The following ZHX3 variants were observed in gnomAD, a reference collection of about 807,000 sequenced individuals.
ZHX3 encodes the protein zinc fingers and homeoboxes 3.
A neutral mutation model predicts 64.5 loss-of-function variants in ZHX3; 20 were observed. The ratio of observed to expected loss-of-function variants is 0.31; its 90% CI spans 0.22 to 0.45. ZHX3 has a LOEUF of 0.45. Ranked by LOEUF, ZHX3 falls within the 20% of genes least tolerant of loss-of-function variation. The pLI is 1.00. For synonymous variants in ZHX3, 423 were observed against 461.6 expected (o/e 0.92, Z 1.07); for missense variants, 1,041 against 1,195.8 (o/e 0.87, Z 1.91).
intron 1 of ZHX3, among the ~76,000 whole-genome samples, chr20:41,310,137 C>A (rs1482943784): frequency 1.3e-5 from 2 of 152,150 alleles, no homozygotes; most frequent in Admixed American, 6.5e-5. Flanking sequence ...TGTCTTTCTG[C>A]CACTCACCCC....
chr20:41,196,575 A>AT, intron 3 of ZHX3: 1 of 76,108 alleles, frequency 1.3e-5, no homozygotes, highest in Non-Finnish European at 2.4e-5. Context: ...ATATATATAA[A>AT]AATATATATA....
intron 1 of ZHX3, chr20:41,316,972 G>C: frequency 6.6e-6 from 1 of 152,462 alleles, no homozygotes; most frequent in Non-Finnish European, 1.5e-5. Context: ...TTCGAGTCCT[G>C]GCTCTGCCGC....
intron 2 of ZHX3, among the ~76,000 whole-genome samples, chr20:41,259,973 C>T (rs1050156635): frequency 6.6e-6 from 1 of 151,798 alleles, no homozygotes; most frequent in Non-Finnish European, 1.5e-5. Flanking sequence ...AAAGAATAAC[C>T]AAACTGATAA....
chr20:41,229,244 A>G (rs549758569), intron 2 of ZHX3, among the ~76,000 whole-genome samples: 10 of 152,312 alleles, frequency 6.6e-5, no homozygotes, highest in African/African-American at 2.4e-4. Flanking sequence ...GTCAGGATTT[A>G]CTTCCTTTTA....
chr20:41,215,370 C>G (rs991868469), intron 2 of ZHX3, among the ~76,000 whole-genome samples: 1 of 152,084 alleles, frequency 6.6e-6, no homozygotes, highest in Admixed American at 6.5e-5. Flanking sequence ...GCTCAATTCA[C>G]TAAATTAGCA....
At chr20:41,205,933 C>T (rs1290245524) in intron 2 of ZHX3, among the ~76,000 whole-genome samples, 1 of 152,170 alleles carries the variant, frequency 6.6e-6, no homozygotes, top group Non-Finnish European at 1.5e-5. Flanking sequence ...GCTGGGTGCC[C>T]CTCTGAGATG....
At chr20:41,261,862 T>C (rs1319437011) in intron 2 of ZHX3, among the ~76,000 whole-genome samples, 1 of 152,166 alleles carries the variant, frequency 6.6e-6, no homozygotes, top group Non-Finnish European at 1.5e-5. Flanking sequence ...TATTTCCAAC[T>C]GCTCCTAGAT....
At chr20:41,198,844 A>G (rs2037981702) in intron 3 of ZHX3, among the ~76,000 whole-genome samples, 1 of 152,144 alleles carries the variant, frequency 6.6e-6, no homozygotes, top group East Asian at 1.9e-4. Flanking sequence ...TAATGAATAT[A>G]ATAACTATAT....
At chr20:41,283,187 G>C (rs1251717298) in intron 1 of ZHX3, among the ~76,000 whole-genome samples, 30 of 152,250 alleles carry the variant, frequency 2.0e-4, no homozygotes, top group Middle Eastern at 3.4e-3. Flanking sequence ...AGTATTACAG[G>C]TGTGAGCCAC....
chr20:41,227,930 C>G (rs556706555), intron 2 of ZHX3, among the ~76,000 whole-genome samples: 2 of 152,134 alleles, frequency 1.3e-5, no homozygotes, highest in Non-Finnish European at 2.9e-5. Context: ...TCTTCCCCCT[C>G]CCCCATGCCA....
rs1256833383 is a variant in ZHX3, at chr20:41,180,370, T to TG, written c.*4820dup. The TG allele has an allele frequency of 1.3e-5, 2 of 152,450 alleles. No individual in the cohort carries two copies. The highest frequency in any genetic ancestry group is 2.4e-5 in the African/African-American group (1 of 41,452). The allele number at this position is 152,450 out of a possible 1,614,324, so 9.4% of individuals were successfully genotyped here. On this transcript the variant is annotated 3_prime_UTR_variant, in exon 4 of 4. Coordinates refer to ENST00000683867, the MANE Select transcript of ZHX3 (RefSeq NM_001384317.1). ...GGAAGGGGGTGCTTTCCCCTGTCCT[T>TG]GTCCATATGGTAACCAGGGTCTGCC... is the stretch of plus-strand genomic sequence containing the variant.
chr20:41,218,292 A>G lies in ZHX3; in HGVS notation c.-150-13226T>C, dbSNP rs531787196. ...GACTCCGTCTCTACAAAAAATTTAA[A>G]AAATAGCTGGCATGGTGACACGCAT... On this transcript the variant is annotated intron_variant, in intron 2 of 3. Coordinates refer to ENST00000683867, the MANE Select transcript of ZHX3 (RefSeq NM_001384317.1). Among the ~76,000 whole-genome samples, 13 of 152,274 alleles carry G rather than the reference A, an allele frequency of 8.5e-5. No individual in the cohort carries two copies. In the East Asian group the frequency reaches 2.3e-3, roughly 27 times the overall value.
At chr20:41,222,515 A>G (rs1355393148) in intron 2 of ZHX3, among the ~76,000 whole-genome samples, 1 of 152,212 alleles carries the variant, frequency 6.6e-6, no homozygotes, top group Non-Finnish European at 1.5e-5. Context: ...AATGTTCCCA[A>G]TGAAAAGACT....
chr20:41,261,059 G>T (rs559625981), intron 2 of ZHX3, among the ~76,000 whole-genome samples: 1 of 152,182 alleles, frequency 6.6e-6, no homozygotes, highest in Non-Finnish European at 1.5e-5. Context: ...ACTACTTTCA[G>T]CATGGAAAGA....
At chr20:41,242,539 T>G (rs2041449104) in intron 2 of ZHX3, among the ~76,000 whole-genome samples, 1 of 152,212 alleles carries the variant, frequency 6.6e-6, no homozygotes, top group Non-Finnish European at 1.5e-5. Context: ...CTGTTAGCTT[T>G]GTGAACCCTG....
At chr20:41,294,069 G>C (rs2044380609) in intron 1 of ZHX3, among the ~76,000 whole-genome samples, 1 of 152,108 alleles carries the variant, frequency 6.6e-6, no homozygotes, top group African/African-American at 2.4e-5. Flanking sequence ...ATAGACAAAA[G>C]TTCCGAGGCT....
At chr20:41,311,121 T>C (rs2045122570) in intron 1 of ZHX3, among the ~76,000 whole-genome samples, 1 of 152,204 alleles carries the variant, frequency 6.6e-6, no homozygotes, top group African/African-American at 2.4e-5. Flanking sequence ...TCTCTGATAA[T>C]TTTTATAAAT....
chr20:41,192,845 C>G (rs1033371827), intron 3 of ZHX3, among the ~76,000 whole-genome samples: 5 of 152,168 alleles, frequency 3.3e-5, no homozygotes, highest in East Asian at 1.9e-4. Context: ...CCTGGCACCT[C>G]CTATGTTAAG....
intron 3 of ZHX3, among the ~76,000 whole-genome samples, chr20:41,199,962 G>C (rs1315265253): frequency 6.6e-6 from 1 of 152,104 alleles, no homozygotes; most frequent in Non-Finnish European, 1.5e-5. Flanking sequence ...GCCTCCCAAA[G>C]TGCTGGGATT....
Sources: allele counts gnomAD v4.1 joint callset (sites outside exome capture counted in the v4.1 genomes callset), GRCh38; gene constraint gnomAD v4.1.1; transcripts MANE v1.5; gene names NCBI Gene and HGNC (gene_info 2026-07-23, HGNC 2026-07-21).